The following JAK2 variants were observed in gnomAD, a reference collection of about 807,000 sequenced individuals.
JAK2 encodes tyrosine-protein kinase JAK2.
A neutral mutation model predicts 139.3 loss-of-function variants in JAK2; 86 were observed. That is an observed-to-expected ratio of 0.62 (90% CI 0.52 to 0.74). The LOEUF (loss-of-function observed/expected upper bound fraction) is 0.74, where lower values mean the gene tolerates loss of function less well. Among genes scored for constraint, JAK2 ranks in the 30% least tolerant of loss-of-function variants. The pLI is 0.00. For missense variants in JAK2, 1,421 were observed against 1,360.3 expected (o/e 1.04, Z -0.70); for synonymous variants, 490 against 437.7 (o/e 1.12, Z -1.49).
At position 5,022,751 on chromosome 9, in the gene JAK2, C is replaced by T. The variant is rs1436349587; in HGVS notation, c.226+538C>T. Among the ~76,000 whole-genome samples, 3 of 152,260 alleles carry T rather than the reference C, an allele frequency of 2.0e-5. No individual in the cohort carries two copies. In the South Asian group the frequency reaches 6.2e-4, roughly 32 times the overall value. ...TGGACCAAAACTGTGAACCAGAGAA[C>T]TCTTTCTATAGAGCTAACACATTTT... On this transcript the variant is annotated intron_variant, in intron 3 of 24. Coordinates refer to ENST00000381652, the MANE Select transcript of JAK2 (RefSeq NM_004972.4).
chr9:5,073,872 G>C lies in JAK2; in HGVS notation c.1864+87G>C, dbSNP rs1008316404. 4 of 822,590 alleles carry C rather than the reference G, an allele frequency of 4.9e-6. No homozygotes were observed. The African/African-American group carries it at 5.1e-5, about 11-fold the overall frequency. The allele number at this position is 822,590 out of a possible 1,614,324, so 51.0% of individuals were successfully genotyped here. On this transcript the variant is annotated intron_variant, in intron 14 of 24. Coordinates refer to ENST00000381652, the MANE Select transcript of JAK2 (RefSeq NM_004972.4). The stretch of plus-strand genomic sequence containing the variant: ...AAATTCAGTTTCAGGATCACAGCTA[G>C]GTGTCAGTGTAAACTATAATTTAAC...
chr9:5,086,085 C>A (rs1389827731), intron 19 of JAK2: 2 of 641,430 alleles, frequency 3.1e-6, no homozygotes, highest in East Asian at 3.2e-5. Flanking sequence ...CAAGTCAAGT[C>A]CCTTCTGCCT....
At chr9:5,085,253 T>C (rs985594615) in intron 19 of JAK2, 38 of 678,308 alleles carry the variant, frequency 5.6e-5, no homozygotes, top group East Asian at 3.9e-4. Context: ...GTGGCTAACC[T>C]GAGATTCACA....
Position 5,054,425 on chromosome 9 carries a change from C to T in JAK2, c.615-138C>T, listed in dbSNP as rs1817623847. ...TATACTGTATGGATGGGGGTTATGT[C>T]AACTTACGCCACTTGGCCACTGTGT... On this transcript the variant is annotated intron_variant, in intron 6 of 24. Transcript: ENST00000381652. The surrounding 1 kb of genome is among the most constrained non-coding windows in gnomAD (Gnocchi z 4.9). The T allele has an allele frequency of 1.6e-6, 1 of 642,502 alleles. No individual in the cohort carries two copies. The highest frequency in any genetic ancestry group is 2.9e-5 in the Admixed American group (1 of 34,114). The allele number at this position is 642,502 out of a possible 1,614,324, so 39.8% of individuals were successfully genotyped here.
intron 2 of JAK2, among the ~76,000 whole-genome samples, chr9:5,002,302 C>G (rs2129854016): frequency 6.6e-6 from 1 of 152,010 alleles, no homozygotes; most frequent in East Asian, 1.9e-4. Flanking sequence ...TCTCTAACCA[C>G]TATTTTAGCT....
At chr9:5,122,932 A>C (rs10815163) in intron 22 of JAK2, 72 bp from the exon 23 acceptor site, 1 of 908,972 alleles carries the variant, frequency 1.1e-6, no homozygotes, top group Non-Finnish European at 1.7e-6. Context: ...AATTTATACA[A>C]TGATTTGCAG....
At chr9:5,023,196 A>G (rs991030731) in intron 3 of JAK2, among the ~76,000 whole-genome samples, 3 of 152,090 alleles carry the variant, frequency 2.0e-5, no homozygotes, top group South Asian at 2.1e-4. Context: ...TCTGCTACCA[A>G]TCCACTCTAC....
At chr9:4,994,652 AGACGTGGCTCATG>A (rs1820457764) in intron 2 of JAK2, among the ~76,000 whole-genome samples, 1 of 152,244 alleles carries the variant, frequency 6.6e-6, no homozygotes, top group Non-Finnish European at 1.5e-5. Context: ...GTAAATGAAC[AGACGTGGCTCATG>A]GCTGTGTTCT....
chr9:5,091,111 C>T (rs897147169), intron 22 of JAK2, 200 bp downstream of exon 22: 5 of 438,960 alleles, frequency 1.1e-5, no homozygotes, highest in Admixed American at 4.1e-5. Context: ...TGCTTTATTT[C>T]TATTAAGTGT....
intron 22 of JAK2, among the ~76,000 whole-genome samples, chr9:5,101,925 T>TA (rs1821526070): frequency 6.6e-6 from 1 of 152,082 alleles, no homozygotes; most frequent in Admixed American, 6.6e-5. Context: ...CAAAAGTAGA[T>TA]AAAACCACAA....
Position 5,081,799 on chromosome 9 carries a change from G to GAAC in JAK2, c.2511_2512insCAA (p.Glu837_Asp838insGln). 6.2e-7 allele frequency: 1 copy of GAAC among 1,612,900 alleles called. No homozygotes were observed. The highest frequency in any genetic ancestry group is 8.5e-7 in the Non-Finnish European group (1 of 1,178,896). On this transcript the variant is annotated inframe_insertion, in exon 19 of 25. Transcript: ENST00000381652. ...TGCCCTGGGGTTTTCTGGTGCCTTTGAAGACCGGGATCCTACACAGTTTGA... is the reference window on the plus strand; with the variant it reads ...TGCCCTGGGGTTTTCTGGTGCCTTTGAACAAGACCGGGATCCTACACAGTTTGA...
intron 22 of JAK2, among the ~76,000 whole-genome samples, chr9:5,113,191 CTTTTTTTTTTTT>C (rs531374595): frequency 1.0e-4 from 6 of 57,192 alleles, no homozygotes; most frequent in Middle Eastern, 0.014. Context: ...CTGGCAGGAG[CTTTTTTTTTTTT>C]TTTTTTTTTT....
intron 3 of JAK2, among the ~76,000 whole-genome samples, chr9:5,026,658 G>T (rs1035993955): frequency 5.3e-5 from 8 of 152,164 alleles, no homozygotes; most frequent in African/African-American, 1.2e-4. Context: ...TGGTTATTCT[G>T]TGGAACTTCT....
chr9:5,006,630 C>T (rs937584046), intron 2 of JAK2, among the ~76,000 whole-genome samples: 1 of 152,040 alleles, frequency 6.6e-6, no homozygotes, highest in African/African-American at 2.4e-5. Flanking sequence ...CATACAGCAA[C>T]AGGAAAGAGA....
chr9:5,089,080 C>G (rs1263194055), intron 19 of JAK2, among the ~76,000 whole-genome samples: 5 of 152,286 alleles, frequency 3.3e-5, no homozygotes, highest in African/African-American at 9.6e-5. Flanking sequence ...TGTCCCTTGG[C>G]TTATCTTGAC....
In JAK2 at chr9:5,055,736, G is replaced by T. The variant is rs748854741; in HGVS notation, c.1004G>T (p.Gly335Val). The T allele has an allele frequency of 3.7e-6, 6 of 1,609,982 alleles. No individual in the cohort carries two copies. In the South Asian group the frequency reaches 6.6e-5, roughly 18 times the overall value. The change falls in exon 8 of 25, where the codon GGT becomes GTT. Residue 335 changes from glycine (G) to valine (V), a missense_variant. Physicochemically the swap from Gly to Val is moderately radical, Grantham distance 109 (BLOSUM62 -3). Coordinates refer to ENST00000381652, the MANE Select transcript of JAK2 (RefSeq NM_004972.4). ...AGTATTAAGCAAGCAAACCAAGAGG[G>T]TTCAAATGAAAGCCGAGTTGTAACT... The part of the protein sequence containing the change: ...DVSIKQANQE[G>V]SNESRVVTIH...
intron 19 of JAK2, among the ~76,000 whole-genome samples, chr9:5,086,696 C>T (rs1820141315): frequency 6.6e-6 from 1 of 152,116 alleles, no homozygotes; most frequent in African/African-American, 2.4e-5. Context: ...TAGAAAATTT[C>T]CTACCCTGAA....
At chr9:5,117,752 T>C (rs919285933) in intron 22 of JAK2, among the ~76,000 whole-genome samples, 6 of 151,972 alleles carry the variant, frequency 3.9e-5, no homozygotes, top group Admixed American at 3.3e-4. Context: ...GAAACAAAAG[T>C]TTTTTGGCAA....
chr9:5,064,801 C>A (rs1818450982), intron 8 of JAK2, 82 bp from the exon 9 acceptor site: 5 of 1,041,022 alleles, frequency 4.8e-6, no homozygotes, highest in Non-Finnish European at 5.4e-6. Context: ...TTGTATTTAA[C>A]ATGGAATGAA....
Sources: gnomAD v4.1 joint callset for allele counts (sites outside exome capture counted in the v4.1 genomes callset) on GRCh38, gnomAD v4.1.1 for gene constraint, Gnocchi (gnomAD v3.1) non-coding constraint, MANE v1.5 for transcripts, NCBI Gene and HGNC (gene_info 2026-07-23, HGNC 2026-07-21) for gene names.